SCP2: variants seen among roughly 807,000 people sequenced by gnomAD.
SCP2 encodes SCP-2/3-oxoacyl-CoA thiolase.
A neutral mutation model predicts 71.4 loss-of-function variants in SCP2; 48 were observed. That is an observed-to-expected ratio of 0.67 (90% CI 0.53 to 0.86). The LOEUF (loss-of-function observed/expected upper bound fraction) is 0.86. Ranked by LOEUF, SCP2 falls within the 40% of genes least tolerant of loss-of-function variation. The pLI, the probability that SCP2 is intolerant of heterozygous loss-of-function variation, is 0.00. For synonymous variants in SCP2, 220 were observed against 218.1 expected, an observed-to-expected ratio of 1.01 and a Z score of -0.08; for missense variants, 560 against 655.6, an observed-to-expected ratio of 0.85 and a Z score of 1.59.
intron 6 of SCP2, among the ~76,000 whole-genome samples, chr1:52,971,842 G>A (rs561681530): frequency 6.6e-6 from 1 of 152,202 alleles, no homozygotes; most frequent in African/African-American, 2.4e-5. Flanking sequence ...TTTATGACCA[G>A]TTTTTACACA....
intron 2 of SCP2, among the ~76,000 whole-genome samples, chr1:52,944,619 A>C (rs1448239111): frequency 6.6e-6 from 1 of 152,062 alleles, no homozygotes; most frequent in Admixed American, 6.6e-5. Context: ...CTTTTATTTC[A>C]TTAAAAAATT....
intron 1 of SCP2, among the ~76,000 whole-genome samples, chr1:52,936,391 A>G (rs1225604158): frequency 6.6e-6 from 1 of 152,244 alleles, no homozygotes; most frequent in Non-Finnish European, 1.5e-5. Context: ...TGCTAACAAC[A>G]CAGAGAAACA....
At chr1:52,981,018 A>G (rs1324930098) in intron 10 of SCP2, among the ~76,000 whole-genome samples, 1 of 151,774 alleles carries the variant, frequency 6.6e-6, no homozygotes, top group Non-Finnish European at 1.5e-5. Flanking sequence ...TGCAACCTCC[A>G]CCTCCTGGGT....
chr1:52,991,018 T>A (rs1434732050), intron 11 of SCP2, among the ~76,000 whole-genome samples: 1 of 152,186 alleles, frequency 6.6e-6, no homozygotes, highest in African/African-American at 2.4e-5. Flanking sequence ...ATAGTGCAGG[T>A]ACACTTTTAG....
intron 6 of SCP2, among the ~76,000 whole-genome samples, chr1:52,962,870 C>T (rs1030562727): frequency 1.3e-5 from 2 of 151,734 alleles, no homozygotes; most frequent in Admixed American, 6.6e-5. Flanking sequence ...CTGACACATA[C>T]ATATATGTCA....
chr1:53,021,820 T>G (rs1661766434), intron 12 of SCP2, among the ~76,000 whole-genome samples: 1 of 151,720 alleles, frequency 6.6e-6, no homozygotes, highest in East Asian at 1.9e-4. Context: ...AATTTTTGTA[T>G]TTTTAGAAGA....
At chr1:53,035,365 T>C (rs918001546) in intron 13 of SCP2, among the ~76,000 whole-genome samples, 3 of 152,034 alleles carry the variant, frequency 2.0e-5, no homozygotes, top group Non-Finnish European at 4.4e-5. Flanking sequence ...AATAAACTTA[T>C]CAAGAAATGT....
chr1:52,961,258 T>C (rs569586895), intron 5 of SCP2, among the ~76,000 whole-genome samples: 1 of 151,784 alleles, frequency 6.6e-6, no homozygotes, highest in East Asian at 1.9e-4. Context: ...ATGGAATAGT[T>C]ACTGGCACAT....
At position 53,014,881 on chromosome 1, in the gene SCP2, A is replaced by G; in HGVS notation, c.1082-9A>G. Reference sequence around the variant, plus strand: ...GAAGCAGCTCAGTGCTCTGTGTTCGATTTGTTAGGTCTTGCTCAGTGTGCA... The same window carrying G: ...GAAGCAGCTCAGTGCTCTGTGTTCGGTTTGTTAGGTCTTGCTCAGTGTGCA... On this transcript the variant is annotated splice_polypyrimidine_tract_variant and intron_variant, in intron 11 of 15. Coordinates refer to ENST00000371514, the MANE Select transcript of SCP2 (RefSeq NM_002979.5). 1 of 1,612,472 alleles carries G rather than the reference A, an allele frequency of 6.2e-7. No individual in the cohort carries two copies. Among genetic ancestry groups the G allele is most frequent in the Non-Finnish European group, 8.5e-7 (1 of 1,179,764 alleles).
At chr1:53,029,099 A>G (rs896236580) in intron 13 of SCP2, among the ~76,000 whole-genome samples, 2 of 151,800 alleles carry the variant, frequency 1.3e-5, no homozygotes, top group African/African-American at 2.4e-5. Flanking sequence ...TTTTTATTAT[A>G]CTATATATGC....
At chr1:52,986,791 C>G (rs953115502) in intron 10 of SCP2, among the ~76,000 whole-genome samples, 2 of 151,742 alleles carry the variant, frequency 1.3e-5, no homozygotes, top group Non-Finnish European at 2.9e-5. Flanking sequence ...AGACCTCCCA[C>G]AGATACCAAA....
chr1:53,038,177 A>G (rs2150261931), intron 13 of SCP2, among the ~76,000 whole-genome samples: 1 of 149,430 alleles, frequency 6.7e-6, no homozygotes, highest in Admixed American at 6.9e-5. Flanking sequence ...ATATGTGTAT[A>G]TATATATAAT....
At chr1:53,034,095 C>T (rs1434572365) in intron 13 of SCP2, among the ~76,000 whole-genome samples, 1 of 152,086 alleles carries the variant, frequency 6.6e-6, no homozygotes, top group African/African-American at 2.4e-5. Context: ...AAAACCCCAT[C>T]TCTACTAAAA....
intron 6 of SCP2, among the ~76,000 whole-genome samples, chr1:52,973,345 CTTT>C (rs35488175): frequency 6.8e-6 from 1 of 146,534 alleles, no homozygotes; most frequent in Admixed American, 6.8e-5. Context: ...GAAGAACCCT[CTTT>C]TTTTTTTTTT....
chr1:53,043,291 T>G (rs1663561483), intron 14 of SCP2, among the ~76,000 whole-genome samples: 1 of 152,178 alleles, frequency 6.6e-6, no homozygotes, highest in South Asian at 2.1e-4. Flanking sequence ...GAGCACCTAG[T>G]GTAGTAAGTG....
At chr1:52,967,849 G>A (rs1431222616) in intron 6 of SCP2, among the ~76,000 whole-genome samples, 16 of 152,162 alleles carry the variant, frequency 1.1e-4, no homozygotes, top group Admixed American at 1.0e-3. Context: ...TGTTCCTATA[G>A]ATAATCACAA....
chr1:53,022,669 G>A (rs1357556584), intron 12 of SCP2, among the ~76,000 whole-genome samples: 1 of 152,054 alleles, frequency 6.6e-6, no homozygotes, highest in Non-Finnish European at 1.5e-5. Context: ...CCACACATTA[G>A]GTATTTCTGT....
intron 2 of SCP2, among the ~76,000 whole-genome samples, chr1:52,943,227 T>C (rs13373901): frequency 0.013 from 1,705 of 134,556 alleles, 19 homozygotes; most frequent in African/African-American, 0.031. Context: ...TGGTGGGTTC[T>C]TTTTTTTTTT....
At chr1:52,985,629 C>T (rs1658919839) in intron 10 of SCP2, among the ~76,000 whole-genome samples, 1 of 152,226 alleles carries the variant, frequency 6.6e-6, no homozygotes, top group Admixed American at 6.5e-5. Flanking sequence ...TCTCAACTCA[C>T]TCAGACGAAC....
Sources: allele counts gnomAD v4.1 joint callset (sites outside exome capture counted in the v4.1 genomes callset), GRCh38; gene constraint gnomAD v4.1.1; transcripts MANE v1.5; gene names NCBI Gene and HGNC (gene_info 2026-07-23, HGNC 2026-07-21).